ABI3BP: variants seen among roughly 807,000 people sequenced by gnomAD.
ABI3BP encodes the protein target of Nesh-SH3.
In ABI3BP, 216 loss-of-function variants were observed where a neutral mutation model predicts 268.6. The observed-to-expected ratio is 0.80, with a 90% CI of 0.72 to 0.90. ABI3BP has a LOEUF of 0.90. Among genes scored for constraint, ABI3BP ranks in the 40% least tolerant of loss-of-function variants. ABI3BP has a pLI of 0.00. For synonymous variants in ABI3BP, 730 were observed against 730.0 expected, an observed-to-expected ratio of 1.00 and a Z score of 0.00; for missense variants, 2,090 against 2,182.4, an observed-to-expected ratio of 0.96 and a Z score of 0.84.
chr3:100,753,118 C>T (rs1340708717), intron 65 of ABI3BP, among the ~76,000 whole-genome samples, 170 bp from the exon 66 acceptor site: 1 of 152,100 alleles, frequency 6.6e-6, no homozygotes, highest in East Asian at 1.9e-4. Context: ...GAGTAAGTTT[C>T]TGTCAATAGA....
At chr3:100,931,422 C>T (rs753306060) in intron 1 of ABI3BP, among the ~76,000 whole-genome samples, 3 of 151,998 alleles carry the variant, frequency 2.0e-5, no homozygotes, top group Non-Finnish European at 4.4e-5. Flanking sequence ...AACTGTTTCT[C>T]TGCAGATAAT....
At chr3:100,978,641 G>A (rs1313850040) in intron 1 of ABI3BP, among the ~76,000 whole-genome samples, 2 of 151,956 alleles carry the variant, frequency 1.3e-5, no homozygotes, top group Admixed American at 6.6e-5. Flanking sequence ...AGAACTAGAG[G>A]GTATCACTCT....
intron 6 of ABI3BP, among the ~76,000 whole-genome samples, 166 bp downstream of exon 6, chr3:100,885,370 T>C (rs2041490784): frequency 6.6e-6 from 1 of 152,090 alleles, no homozygotes; most frequent in Non-Finnish European, 1.5e-5. Context: ...AATCATGCTT[T>C]TACTTAGTAT....
chr3:100,863,873 TA>T, intron 12 of ABI3BP, 128 bp downstream of exon 12: 1 of 713,620 alleles, frequency 1.4e-6, no homozygotes, highest in Non-Finnish European at 2.3e-6. Context: ...TTTGGGATCC[TA>T]AACTTGAAGA....
Position 100,770,854 on chromosome 3 carries a change from C to T in ABI3BP, c.4630G>A (p.Ala1544Thr). 6.2e-7 allele frequency: 1 copy of T among 1,604,896 alleles called. No individual in the cohort carries two copies. The highest frequency in any genetic ancestry group is 8.5e-7 in the Non-Finnish European group (1 of 1,175,576). ...GGTGGGTTCTGTGGTGGGCTGGTGG[C>T]ATTCCCCTCTGTGGCCTCCTCTTTG... ...FPKEEATEGNATSPPQNPPTN... is the reference protein window; with the variant it reads ...FPKEEATEGNTTSPPQNPPTN... Residue 1544 changes from alanine to threonine, a missense_variant, in exon 62 of 68, where the codon GCC (alanine) becomes ACC (threonine). Physicochemically the swap from Ala to Thr is moderately conservative, Grantham distance 58. Coordinates refer to ENST00000471714, the MANE Select transcript of ABI3BP (RefSeq NM_001375547.2).
chr3:100,820,204 A>T lies in ABI3BP; in HGVS notation c.3031+16T>A. Reference sequence around the variant, plus strand: ...GCAGCTAGGATGAGCTACTTTAACCAGAAACCCAAATTTACCCAGTTTGGT... The same window carrying T: ...GCAGCTAGGATGAGCTACTTTAACCTGAAACCCAAATTTACCCAGTTTGGT... On this transcript the variant is annotated intron_variant, in intron 40 of 67. Transcript: ENST00000471714. The T allele has an allele frequency of 6.5e-7, 1 of 1,533,446 alleles. No individual in the cohort carries two copies. Among genetic ancestry groups the T allele is most frequent in the Non-Finnish European group, 8.7e-7 (1 of 1,144,596 alleles). The allele number at this position is 1,533,446 out of a possible 1,614,324, so 95.0% of individuals were successfully genotyped here.
chr3:100,778,276 T>C lies in ABI3BP; in HGVS notation c.4333+8A>G, dbSNP rs754613482. On this transcript the variant is annotated splice_region_variant and intron_variant, in intron 59 of 67. Coordinates refer to ENST00000471714, the MANE Select transcript of ABI3BP (RefSeq NM_001375547.2). ...TGGCGGGAAAAGGAAGGTACATGAC[T>C]AACGTACCTGCACTTCCTGGCTTTC... is the stretch of plus-strand genomic sequence containing the variant. 3 of 1,612,974 alleles carry C rather than the reference T, an allele frequency of 1.9e-6. No homozygotes were observed. Among genetic ancestry groups the C allele is most frequent in the South Asian group, 2.2e-5 (2 of 90,950 alleles).
chr3:100,782,562 C>T (rs1577488400), intron 57 of ABI3BP, among the ~76,000 whole-genome samples: 3 of 152,006 alleles, frequency 2.0e-5, no homozygotes, highest in South Asian at 4.2e-4. Context: ...CTGTGTGGCT[C>T]GGTGGAAAGA....
At chr3:100,899,564 G>A (rs2049234583) in intron 3 of ABI3BP, among the ~76,000 whole-genome samples, 1 of 152,190 alleles carries the variant, frequency 6.6e-6, no homozygotes, top group Admixed American at 6.5e-5. Context: ...AATGCCAAGA[G>A]TTATGCTAAT....
chr3:100,784,054 A>C (rs1373141240), intron 57 of ABI3BP, among the ~76,000 whole-genome samples: 1 of 151,960 alleles, frequency 6.6e-6, no homozygotes, highest in South Asian at 2.1e-4. Context: ...GGGGTACAGC[A>C]ATGTCTATCT....
chr3:100,846,967 C>T (rs1442234495), intron 19 of ABI3BP, among the ~76,000 whole-genome samples: 1 of 152,152 alleles, frequency 6.6e-6, no homozygotes, highest in Admixed American at 6.5e-5. Flanking sequence ...TTTTTATCAG[C>T]TTTATAAACT....
rs2076621404 is a variant in ABI3BP at position 100,955,838 on chromosome 3, T to C, written c.80-29357A>G. 2.6e-5 allele frequency among the ~76,000 whole-genome samples: 4 copies of C among 152,142 alleles called. No individual in the cohort carries two copies. In the South Asian group the frequency reaches 6.2e-4, roughly 24 times the overall value. ...ATAAAACAAACAAAAAGCCATACTTTCATTGAGTTTACATTCTAGTGAGAA... is the reference window on the plus strand; with the variant it reads ...ATAAAACAAACAAAAAGCCATACTTCCATTGAGTTTACATTCTAGTGAGAA... On this transcript the variant is annotated intron_variant, in intron 1 of 67. Transcript: ENST00000471714.
chr3:100,975,024 TTTGATAAGAAGTTAGTTA>T (rs1044988891), intron 1 of ABI3BP, among the ~76,000 whole-genome samples: 1 of 152,160 alleles, frequency 6.6e-6, no homozygotes, highest in African/African-American at 2.4e-5. Flanking sequence ...AGCTTAGTTA[TTTGATAAGAAGTTAGTTA>T]TTTTGATAAG....
chr3:100,986,545 C>A (rs1429134702), intron 1 of ABI3BP, among the ~76,000 whole-genome samples: 2 of 152,134 alleles, frequency 1.3e-5, no homozygotes, highest in Admixed American at 1.3e-4. Context: ...CAGCTCACTG[C>A]AACCTCCGCC....
intron 55 of ABI3BP, 41 bp downstream of exon 55, chr3:100,792,650 A>T (rs192547080): frequency 6.3e-7 from 1 of 1,583,342 alleles, no homozygotes; most frequent in African/African-American, 1.3e-5. Flanking sequence ...TTAAAAGCAA[A>T]TAAGGAAAAG....
intron 6 of ABI3BP, among the ~76,000 whole-genome samples, chr3:100,882,460 A>ATAATATATATATATATATT (rs1554053818): frequency 1.5e-4 from 23 of 148,648 alleles, no homozygotes; most frequent in Non-Finnish European, 2.7e-4. Context: ...ATATATATAT[A>ATAATATATATATATATATT]TTTTTTTTGC....
intron 63 of ABI3BP, among the ~76,000 whole-genome samples, chr3:100,754,955 C>T (rs922198776): frequency 1.3e-5 from 2 of 152,104 alleles, no homozygotes; most frequent in African/African-American, 4.8e-5. Flanking sequence ...GTACAAATGA[C>T]TTGGCAGGTT....
chr3:100,754,697 T>G lies in ABI3BP; in HGVS notation c.4851-6A>C, dbSNP rs756621278. ...GTTTCACCTGGAATTCATAACTGTTTAGGGGAAAATAAAAAAATACTTGTA... is the reference window on the plus strand; with the variant it reads ...GTTTCACCTGGAATTCATAACTGTTGAGGGGAAAATAAAAAAATACTTGTA... On this transcript the variant is annotated splice_region_variant and splice_polypyrimidine_tract_variant and intron_variant, in intron 63 of 67. Coordinates refer to ENST00000471714, the MANE Select transcript of ABI3BP (RefSeq NM_001375547.2). 1.3e-6 allele frequency: 2 copies of G among 1,570,036 alleles called. No individual in the cohort carries two copies. Among genetic ancestry groups the G allele is most frequent in the South Asian group, 1.2e-5 (1 of 85,302 alleles).
intron 28 of ABI3BP, 140 bp from the exon 29 acceptor site, chr3:100,834,913 T>A: frequency 2.8e-6 from 2 of 721,132 alleles, no homozygotes; most frequent in Non-Finnish European, 4.4e-6. Context: ...TCTGATCATC[T>A]ATATGCAAAA....
Sources: allele counts gnomAD v4.1 joint callset (sites outside exome capture counted in the v4.1 genomes callset), GRCh38; gene constraint gnomAD v4.1.1; transcripts MANE v1.5; gene names NCBI Gene and HGNC (gene_info 2026-07-23, HGNC 2026-07-21).